BAHCC1: variants seen among roughly 807,000 people sequenced by gnomAD.
BAHCC1 encodes the protein BAH and coiled-coil domain-containing protein 1.
BAHCC1 carries 43 observed loss-of-function variants against 88.2 expected under a neutral mutation model. The ratio of observed to expected loss-of-function variants is 0.49; its 90% CI spans 0.38 to 0.63. The LOEUF (loss-of-function observed/expected upper bound fraction) is 0.63, where lower values mean the gene tolerates loss of function less well. Among genes scored for constraint, BAHCC1 ranks in the 20% least tolerant of loss-of-function variants. BAHCC1 has a pLI of 0.00. For synonymous variants in BAHCC1, 1,510 were observed against 745.5 expected (o/e 2.03, Z -16.71); for missense variants, 3,023 against 1,654.8 (o/e 1.83, Z -14.34).
chr17:81,399,116 G>T lies in BAHCC1; in HGVS notation c.-206-418G>T. Reference sequence around the variant, plus strand: ...CTTTGGGCAGCGGGGGAGGGGAGAGGGTGTGCGTGTGAGTGTGTGTGTGTG... The same window carrying T: ...CTTTGGGCAGCGGGGGAGGGGAGAGTGTGTGCGTGTGAGTGTGTGTGTGTG... On this transcript the variant is annotated intron_variant, in intron 1 of 27. Transcript: ENST00000675386. The surrounding 1 kb of genome is among the most constrained non-coding windows in gnomAD (Gnocchi z 4.5). 4.7e-6 allele frequency: 1 copy of T among 213,498 alleles called. No homozygotes were observed. Among genetic ancestry groups the T allele is most frequent in the South Asian group, 2.9e-5 (1 of 34,690 alleles). 13.2% of individuals were successfully genotyped at this position (213,498 alleles called of 1,614,324 possible).
chr17:81,403,672 G>T (rs1002671307), intron 2 of BAHCC1, among the ~76,000 whole-genome samples: 1 of 152,118 alleles, frequency 6.6e-6, no homozygotes, highest in Non-Finnish European at 1.5e-5. Flanking sequence ...TCCATGACAC[G>T]ATGGAGTGTT....
Position 81,447,488 on chromosome 17 carries a change from C to G in BAHCC1, c.3616C>G (p.Arg1206Gly), listed in dbSNP as rs782605436. ...SGASSQVLEQ[R>G]AGSPGALEDE... Reference sequence around the variant, plus strand: ...GGCCTCCTCCCAAGTCCTGGAGCAGCGAGCAGGGAGTCCGGGTGCCCTTGA... The same window carrying G: ...GGCCTCCTCCCAAGTCCTGGAGCAGGGAGCAGGGAGTCCGGGTGCCCTTGA... The change falls in exon 11 of 28, where the codon CGA becomes GGA. Residue 1206 changes from arginine (R) to glycine (G), a missense_variant. Transcript: ENST00000675386. 3 of 743,842 alleles carry G rather than the reference C, an allele frequency of 4.0e-6. No homozygotes were observed. Among genetic ancestry groups the G allele is most frequent in the Non-Finnish European group, 7.5e-6 (3 of 400,254 alleles). 46.1% of individuals were successfully genotyped at this position (743,842 alleles called of 1,614,324 possible).
At chr17:81,456,690 T>C in intron 16 of BAHCC1, 105 bp downstream of exon 16, 1 of 617,486 alleles carries the variant, frequency 1.6e-6, no homozygotes, top group Non-Finnish European at 2.9e-6. Flanking sequence ...GGCTGGGTCA[T>C]GGCTTGTGGG....
rs144073585 is a variant in BAHCC1 at position 81,417,063 on chromosome 17, G to A, written c.179-9737G>A. ...GGGTGGGGGCTCCGGTTGAGAGGCC[G>A]GAGTGTAGGAGGGCAGGTGGGTGTC... On this transcript the variant is annotated intron_variant, in intron 2 of 27. Coordinates refer to ENST00000675386, the MANE Select transcript of BAHCC1 (RefSeq NM_001377448.1). Among the ~76,000 whole-genome samples the A allele has an allele frequency of 7.0e-3, 1,072 of 152,274 alleles. 6 individuals carry two copies. The highest frequency in any genetic ancestry group is 0.01 in the Non-Finnish European group (697 of 67,996).
chr17:81,400,210 CT>C (rs772684516), intron 2 of BAHCC1, among the ~76,000 whole-genome samples: 67 of 152,322 alleles, frequency 4.4e-4, no homozygotes, highest in Non-Finnish European at 7.6e-4. Context: ...CCGCCCCCTC[CT>C]GCAGATCTAA....
At chr17:81,448,091 G>A (rs531409454) in intron 11 of BAHCC1, among the ~76,000 whole-genome samples, 10 of 152,328 alleles carry the variant, frequency 6.6e-5, no homozygotes, top group African/African-American at 2.4e-4. Flanking sequence ...TAACCTCCAT[G>A]GTGGTCTCAG....
intron 2 of BAHCC1, chr17:81,401,108 G>A (rs2063810922): frequency 6.6e-6 from 1 of 152,280 alleles, no homozygotes; most frequent in African/African-American, 2.4e-5. Flanking sequence ...CAATTAGTGT[G>A]TGGATTAAAA....
Position 81,464,028 on chromosome 17 carries a change from T to C in BAHCC1, c.*211T>C. On this transcript the variant is annotated 3_prime_UTR_variant, in exon 28 of 28. Coordinates refer to ENST00000675386, the MANE Select transcript of BAHCC1 (RefSeq NM_001377448.1). ...CGGAATCCAGTCCCGTCCCATCCTCTGCGGAGGGTCGGGCTGTGGCCCTCA... is the reference window on the plus strand; with the variant it reads ...CGGAATCCAGTCCCGTCCCATCCTCCGCGGAGGGTCGGGCTGTGGCCCTCA... The C allele has an allele frequency of 1.7e-6, 1 of 589,244 alleles. No homozygotes were observed. Among genetic ancestry groups the C allele is most frequent in the Non-Finnish European group, 3.0e-6 (1 of 329,250 alleles). The allele number at this position is 589,244 out of a possible 1,614,324, so 36.5% of individuals were successfully genotyped here.
Position 81,466,160 on chromosome 17 carries a change from G to A in BAHCC1, c.*2343G>A, listed in dbSNP as rs1555660761. The stretch of plus-strand genomic sequence containing the variant: ...TGACGAAGGCACGATTCCTGTAAAT[G>A]TGTAAACTAAGGGGATGGTTGGATT... On this transcript the variant is annotated 3_prime_UTR_variant, in exon 28 of 28. Transcript: ENST00000675386. 1 of 152,488 alleles carries A rather than the reference G, an allele frequency of 6.6e-6. No individual in the cohort carries two copies. The highest frequency in any genetic ancestry group is 2.4e-5 in the African/African-American group (1 of 41,418). 9.4% of individuals were successfully genotyped at this position (152,488 alleles called of 1,614,324 possible).
In BAHCC1 at chr17:81,435,339, C is replaced by T; in HGVS notation, c.359-3031C>T. 2 of 430,486 alleles carry T rather than the reference C, an allele frequency of 4.6e-6. No individual in the cohort carries two copies. Among genetic ancestry groups the T allele is most frequent in the Non-Finnish European group, 9.5e-6 (2 of 211,294 alleles). The allele number at this position is 430,486 out of a possible 1,614,324, so 26.7% of individuals were successfully genotyped here. The stretch of plus-strand genomic sequence containing the variant: ...TCCTGCAGTCTGTCCCATCACAGGA[C>T]TGAGTTTGGAGTCTCCTGCCCACCG... On this transcript the variant is annotated intron_variant, in intron 3 of 27. Coordinates refer to ENST00000675386, the MANE Select transcript of BAHCC1 (RefSeq NM_001377448.1). This position sits in a 1 kb window ranked among gnomAD's most constrained non-coding sequence, Gnocchi z 4.4.
Position 81,411,269 on chromosome 17 carries a change from A to C in BAHCC1, c.178+11352A>C. 2.1e-6 allele frequency: 1 copy of C among 473,876 alleles called. No individual in the cohort carries two copies. Among genetic ancestry groups the C allele is most frequent in the Non-Finnish European group, 4.2e-6 (1 of 237,660 alleles). 29.4% of individuals were successfully genotyped at this position (473,876 alleles called of 1,614,324 possible). On this transcript the variant is annotated intron_variant, in intron 2 of 27. Coordinates refer to ENST00000675386, the MANE Select transcript of BAHCC1 (RefSeq NM_001377448.1). The surrounding 1 kb of genome is among the most constrained non-coding windows in gnomAD (Gnocchi z 6.2). Reference sequence around the variant, plus strand: ...CAGTTGAGCAGCTCCCCTTCTCGGCAGCTCCCAAACCCTGACCCCAGACAG... The same window carrying C: ...CAGTTGAGCAGCTCCCCTTCTCGGCCGCTCCCAAACCCTGACCCCAGACAG...
At chr17:81,413,110 G>T (rs925642010) in intron 2 of BAHCC1, 6 of 445,972 alleles carry the variant, frequency 1.3e-5, no homozygotes, top group Non-Finnish European at 2.7e-5. Flanking sequence ...AGGGTTATCA[G>T]GGCCTTCTCT....
chr17:81,407,460 G>A, intron 2 of BAHCC1: 1 of 511,960 alleles, frequency 2.0e-6, no homozygotes. Flanking sequence ...TCTGCAACCA[G>A]GGGCGCCTCC....
At chr17:81,439,953 T>G (rs1435637190) in intron 4 of BAHCC1, among the ~76,000 whole-genome samples, 1 of 152,120 alleles carries the variant, frequency 6.6e-6, no homozygotes, top group Non-Finnish European at 1.5e-5. Flanking sequence ...GGCCTGCACT[T>G]CCTCGCCTGC....
In BAHCC1 at chr17:81,399,662, G is replaced by A; in HGVS notation, c.-78G>A. 5.5e-6 allele frequency: 5 copies of A among 914,902 alleles called. No individual in the cohort carries two copies. Among genetic ancestry groups the A allele is most frequent in the Non-Finnish European group, 6.5e-6 (5 of 764,918 alleles). The allele number at this position is 914,902 out of a possible 1,614,324, so 56.7% of individuals were successfully genotyped here. A position where few individuals can be genotyped will look rare whatever the true frequency, so the allele number is the denominator to read the frequency against. On this transcript the variant is annotated 5_prime_UTR_variant, in exon 2 of 28. Transcript: ENST00000675386. The surrounding 1 kb of genome is among the most constrained non-coding windows in gnomAD (Gnocchi z 4.5). ...CCCCGGACGCCGCCGCCTCTGCGCC[G>A]CCCGCGCGCCGAGCCGCCCCCGGGC...
Position 81,443,005 on chromosome 17 carries a change from C to T in BAHCC1, c.1656C>T (p.Ala552=), listed in dbSNP as rs1414153109. ...ARIRHQQHLM[A]AEVEQGGIGA... ...TCAGGCACCAGCAGCACTTGATGGCCGCCGAGGTGGAGCAGGGGGGCATTG... is the reference window on the plus strand; with the variant it reads ...TCAGGCACCAGCAGCACTTGATGGCTGCCGAGGTGGAGCAGGGGGGCATTG... Residue 552 remains alanine (A), a synonymous_variant, in exon 5 of 28, where the codon GCC becomes GCT. Coordinates refer to ENST00000675386, the MANE Select transcript of BAHCC1 (RefSeq NM_001377448.1). The T allele has an allele frequency of 1.2e-5, 9 of 778,614 alleles. No individual in the cohort carries two copies. Among genetic ancestry groups the T allele is most frequent in the Non-Finnish European group, 2.2e-5 (9 of 417,826 alleles). 48.2% of individuals were successfully genotyped at this position (778,614 alleles called of 1,614,324 possible). A position where few individuals can be genotyped will look rare whatever the true frequency, so the allele number is the denominator to read the frequency against.
rs1300256145 is a variant in BAHCC1 at position 81,399,627 on chromosome 17, C to T, written c.-113C>T. ...GTGCTGACCGGCCCCGCCGCCACCA[C>T]CGCCTGTGACCCCGGACGCCGCCGC... On this transcript the variant is annotated 5_prime_UTR_variant, in exon 2 of 28. Coordinates refer to ENST00000675386, the MANE Select transcript of BAHCC1 (RefSeq NM_001377448.1). The surrounding 1 kb of genome is among the most constrained non-coding windows in gnomAD (Gnocchi z 4.5). 2 of 702,660 alleles carry T rather than the reference C, an allele frequency of 2.8e-6. No homozygotes were observed. Among genetic ancestry groups the T allele is most frequent in the South Asian group, 2.1e-5 (1 of 47,822 alleles). 43.5% of individuals were successfully genotyped at this position (702,660 alleles called of 1,614,324 possible). A position where few individuals can be genotyped will look rare whatever the true frequency, so the allele number is the denominator to read the frequency against.
intron 2 of BAHCC1, among the ~76,000 whole-genome samples, chr17:81,424,574 G>A (rs2064151908): frequency 6.6e-6 from 1 of 152,206 alleles, no homozygotes; most frequent in Non-Finnish European, 1.5e-5. Context: ...TATGGTTGTT[G>A]TGGTTGGTGA....
At chr17:81,462,122 T>C (rs1260980289) in intron 26 of BAHCC1, 76 bp downstream of exon 26, 3 of 643,264 alleles carry the variant, frequency 4.7e-6, no homozygotes, top group Non-Finnish European at 8.4e-6. Context: ...CCTGCTGCCC[T>C]TCCCTCTCCT....
Sources: gnomAD v4.1 joint callset for allele counts (sites outside exome capture counted in the v4.1 genomes callset) on GRCh38, gnomAD v4.1.1 for gene constraint, Gnocchi (gnomAD v3.1) non-coding constraint, MANE v1.5 for transcripts, NCBI Gene and HGNC (gene_info 2026-07-23, HGNC 2026-07-21) for gene names.